MGME1: variants seen among roughly 807,000 people sequenced by gnomAD.
MGME1 encodes chromosome 20 open reading frame 72.
A neutral mutation model predicts 33.0 loss-of-function variants in MGME1; 22 were observed. That is an observed-to-expected ratio of 0.67 (90% confidence interval 0.48 to 0.95). The LOEUF is 0.95. MGME1 is among the 40% of genes least tolerant of loss of function. The pLI is 0.00. For missense variants in MGME1, 383 were observed against 397.8 expected, an observed-to-expected ratio of 0.96 and a Z score of 0.32; for synonymous variants, 133 against 144.0, an observed-to-expected ratio of 0.92 and a Z score of 0.55.
rs141266045 is a variant in MGME1 at position 17,975,879 on chromosome 20, T to C, written c.707T>C (p.Leu236Pro). The change falls in exon 3 of 5, where the codon CTG becomes CCG. Residue 236 changes from leucine (L) to proline (P), a missense_variant. Leu to Pro is a moderately conservative substitution (Grantham distance 98). Transcript: ENST00000377710. ...VQHETLNYIG[L>P]LDCVAEYQGK... ...CATGAAACCTTAAACTATATAGGTCTGCTGGACTGTGTGGCTGAGTATCAG... is the reference window on the plus strand; with the variant it reads ...CATGAAACCTTAAACTATATAGGTCCGCTGGACTGTGTGGCTGAGTATCAG... 96 of 1,613,932 alleles carry C rather than the reference T, an allele frequency of 5.9e-5. No homozygotes were observed. Among genetic ancestry groups the C allele is most frequent in the Non-Finnish European group, 8.1e-5 (96 of 1,179,910 alleles).
intron 3 of MGME1, among the ~76,000 whole-genome samples, chr20:17,977,113 C>A (rs531334038): frequency 6.6e-6 from 1 of 151,948 alleles, no homozygotes; most frequent in Admixed American, 6.6e-5. Context: ...CAGTGGCTCA[C>A]GCCTGTAATC....
rs2122482735 is a variant in MGME1 at position 17,970,297 on chromosome 20, T to G, written c.438T>G (p.Val146=). Residue 146 remains valine (V), a synonymous_variant, in exon 2 of 5, where the codon GTT becomes GTG. Transcript: ENST00000377710. ...AGCAGACCATGACAAAACAACAGGTTTTCTTGTTGGAGAGGTGGAAACAGC... is the reference window on the plus strand; with the variant it reads ...AGCAGACCATGACAAAACAACAGGTGTTCTTGTTGGAGAGGTGGAAACAGC... ...VLQQTMTKQQ[V]FLLERWKQRM... 1 of 1,614,178 alleles carries G rather than the reference T, an allele frequency of 6.2e-7. No individual in the cohort carries two copies. The highest frequency in any genetic ancestry group is 8.5e-7 in the Non-Finnish European group (1 of 1,180,000).
intron 3 of MGME1, among the ~76,000 whole-genome samples, chr20:17,986,648 A>G (rs941412452): frequency 6.6e-6 from 1 of 152,068 alleles, no homozygotes; most frequent in Admixed American, 6.6e-5. Flanking sequence ...GGTGTGAGCC[A>G]TCACACCTGG....
At chr20:17,979,410 T>C (rs1380530927) in intron 3 of MGME1, among the ~76,000 whole-genome samples, 1 of 150,720 alleles carries the variant, frequency 6.6e-6, no homozygotes, top group African/African-American at 2.4e-5. Flanking sequence ...ATTTTTTTAA[T>C]TTTATTTATT....
Position 17,969,938 on chromosome 20 carries a change from G to A in MGME1, c.79G>A (p.Ala27Thr), listed in dbSNP as rs766752305. 3 of 1,614,086 alleles carry A rather than the reference G, an allele frequency of 1.9e-6. No homozygotes were observed. The highest frequency in any genetic ancestry group is 1.7e-6 in the Non-Finnish European group (2 of 1,180,034). ...KFSVESAALV[A>T]FSTSSYSCGR... is the part of the protein sequence containing the mutation. Reference sequence around the variant, plus strand: ...TTCTGTGGAATCAGCTGCCCTTGTGGCTTTCTCTACTTCCTCTTACTCATG... The same window carrying A: ...TTCTGTGGAATCAGCTGCCCTTGTGACTTTCTCTACTTCCTCTTACTCATG... Residue 27 changes from alanine to threonine, a missense_variant, in exon 2 of 5, where the codon GCT (alanine) becomes ACT (threonine). Physicochemically the swap from Ala to Thr is moderately conservative, Grantham distance 58. Coordinates refer to ENST00000377710, the MANE Select transcript of MGME1 (RefSeq NM_052865.4).
At chr20:17,987,174 A>C (rs1190462549) in intron 3 of MGME1, among the ~76,000 whole-genome samples, 7 of 148,830 alleles carry the variant, frequency 4.7e-5, no homozygotes, top group African/African-American at 1.7e-4. Context: ...TCCATCTAAA[A>C]AAAAAAAAAA....
At chr20:17,973,110 C>T (rs988650360) in intron 2 of MGME1, among the ~76,000 whole-genome samples, 6 of 151,890 alleles carry the variant, frequency 4.0e-5, no homozygotes, top group African/African-American at 1.5e-4. Context: ...TTTGGGAGGC[C>T]GAAGCAGGCG....
intron 2 of MGME1, among the ~76,000 whole-genome samples, chr20:17,971,550 T>C (rs1481058645): frequency 2.0e-5 from 3 of 152,184 alleles, no homozygotes; most frequent in Non-Finnish European, 4.4e-5. Context: ...TAATAAGAAA[T>C]GTATTATTAA....
rs1291522740 is a variant in MGME1 at position 17,990,483 on chromosome 20, G to A, written c.*374G>A. 7 of 336,268 alleles carry A rather than the reference G, an allele frequency of 2.1e-5. No homozygotes were observed. Among genetic ancestry groups the A allele is most frequent in the South Asian group, 3.8e-5 (1 of 26,296 alleles). 20.8% of individuals were successfully genotyped at this position (336,268 alleles called of 1,614,324 possible). On this transcript the variant is annotated 3_prime_UTR_variant, in exon 5 of 5. Coordinates refer to ENST00000377710, the MANE Select transcript of MGME1 (RefSeq NM_052865.4). ...GAGATTGGAAGGCAGTGAGGCTGAG[G>A]GTGCCAAGATTTCCCCAGGGTTCAC...
chr20:17,984,429 A>G (rs2036105843), intron 3 of MGME1, among the ~76,000 whole-genome samples: 1 of 152,194 alleles, frequency 6.6e-6, no homozygotes, highest in African/African-American at 2.4e-5. Context: ...ATGTTATGTT[A>G]TAGTGCAACA....
At chr20:17,980,649 A>G (rs2035989370) in intron 3 of MGME1, among the ~76,000 whole-genome samples, 1 of 151,968 alleles carries the variant, frequency 6.6e-6, no homozygotes, top group Non-Finnish European at 1.5e-5. Flanking sequence ...CTCTACTAAA[A>G]ATACAAAAAG....
intron 3 of MGME1, among the ~76,000 whole-genome samples, chr20:17,983,487 G>A (rs2036084733): frequency 6.6e-6 from 1 of 152,076 alleles, no homozygotes; most frequent in Non-Finnish European, 1.5e-5. Flanking sequence ...TCTGGTTTCA[G>A]TTTTTAGATG....
In MGME1 at chr20:17,988,263, G is replaced by A. The variant is rs2036204315; in HGVS notation, c.829G>A (p.Gly277Ser). ...CCCACTGCAAGTTGTGGCATACATGGGTGCCATGAACCATGATACCAACTA... is the reference window on the plus strand; with the variant it reads ...CCCACTGCAAGTTGTGGCATACATGAGTGCCATGAACCATGATACCAACTA... ...DNPLQVVAYM[G>S]AMNHDTNYSF... The change falls in exon 4 of 5, where the codon GGT becomes AGT. Residue 277 changes from glycine to serine, a missense_variant. Coordinates refer to ENST00000377710, the MANE Select transcript of MGME1 (RefSeq NM_052865.4). 1 of 1,613,812 alleles carries A rather than the reference G, an allele frequency of 6.2e-7. No individual in the cohort carries two copies. Among genetic ancestry groups the A allele is most frequent in the African/African-American group, 1.3e-5 (1 of 74,898 alleles).
At chr20:17,981,827 A>G (rs138834820) in intron 3 of MGME1, among the ~76,000 whole-genome samples, 184 of 151,116 alleles carry the variant, frequency 1.2e-3, no homozygotes, top group African/African-American at 4.2e-3. Context: ...TTTTTTTTGT[A>G]TTTTTAATAG....
In MGME1 at chr20:17,969,783, T is replaced by C; in HGVS notation, c.-59-18T>C. 11 of 1,425,244 alleles carry C rather than the reference T, an allele frequency of 7.7e-6. No homozygotes were observed. Among genetic ancestry groups the C allele is most frequent in the Non-Finnish European group, 8.5e-6 (9 of 1,058,454 alleles). 88.3% of individuals were successfully genotyped at this position (1,425,244 alleles called of 1,614,324 possible). On this transcript the variant is annotated intron_variant, in intron 1 of 4. Transcript: ENST00000377710. ...TCTGATGCAGCTTTCGCTTTGATGG[T>C]TGTTTTCTCTCCAATAGGAATACAA...
chr20:17,987,605 G>A (rs190743066), intron 3 of MGME1, among the ~76,000 whole-genome samples: 137 of 151,908 alleles, frequency 9.0e-4, no homozygotes, highest in Non-Finnish European at 1.4e-3. Context: ...AATGACACAT[G>A]GCTCACATTT....
At position 17,989,943 on chromosome 20, in the gene MGME1, A is replaced by G. The variant is rs2036250841; in HGVS notation, c.869A>G (p.Gln290Arg). 6 of 1,613,654 alleles carry G rather than the reference A, an allele frequency of 3.7e-6. No individual in the cohort carries two copies. Among genetic ancestry groups the G allele is most frequent in the Non-Finnish European group, 5.1e-6 (6 of 1,179,924 alleles). The change falls in exon 5 of 5, where the codon CAA becomes CGA. Residue 290 changes from glutamine to arginine, a missense_variant. Coordinates refer to ENST00000377710, the MANE Select transcript of MGME1 (RefSeq NM_052865.4). ...NHDTNYSFQV[Q>R]CGLIVVAYKD... ...TTGCCCTGTGTTTCTTCCTAGGTTCAATGTGGCTTAATTGTGGTGGCCTAC... is the reference window on the plus strand; with the variant it reads ...TTGCCCTGTGTTTCTTCCTAGGTTCGATGTGGCTTAATTGTGGTGGCCTAC...
At chr20:17,978,978 ATGT>A (rs748657293) in intron 3 of MGME1, among the ~76,000 whole-genome samples, 27 of 151,774 alleles carry the variant, frequency 1.8e-4, no homozygotes, top group Non-Finnish European at 3.7e-4. Context: ...GGGTTTGGAC[ATGT>A]TGCCCAGGCT....
At chr20:17,970,554 G>C (rs2035701622) in intron 2 of MGME1, among the ~76,000 whole-genome samples, 184 bp downstream of exon 2, 1 of 152,190 alleles carries the variant, frequency 6.6e-6, no homozygotes. Context: ...TGGTAGTCCT[G>C]TGGAGTATAG....
Sources: allele counts gnomAD v4.1 joint callset (sites outside exome capture counted in the v4.1 genomes callset), GRCh38; gene constraint gnomAD v4.1.1; transcripts MANE v1.5; gene names NCBI Gene and HGNC (gene_info 2026-07-23, HGNC 2026-07-21).